EEF2K: variants seen among roughly 807,000 people sequenced by gnomAD.
EEF2K encodes the protein alternative protein EEF2K.
Under a neutral mutation model 93.8 loss-of-function variants are expected in EEF2K, and 70 were observed. The ratio of observed to expected loss-of-function variants is 0.75; its 90% CI spans 0.62 to 0.91. The LOEUF (loss-of-function observed/expected upper bound fraction) is 0.91, where lower values mean the gene tolerates loss of function less well. Among genes scored for constraint, EEF2K ranks in the 40% least tolerant of loss-of-function variants. The pLI is 0.00. For missense variants in EEF2K, 935 were observed against 972.9 expected (o/e 0.96, Z 0.52); for synonymous variants, 376 against 380.8 (o/e 0.99, Z 0.15).
Position 22,221,063 on chromosome 16 carries a change from AG to A in EEF2K, c.-76-4589del, listed in dbSNP as rs577804062. 2.4e-4 allele frequency among the ~76,000 whole-genome samples: 36 copies of A among 152,326 alleles called. 1 individual carries two copies. The South Asian group carries it at 7.5e-3, about 32-fold the overall frequency. On this transcript the variant is annotated intron_variant, in intron 1 of 17. Coordinates refer to ENST00000263026, the MANE Select transcript of EEF2K (RefSeq NM_013302.5). ...AGGCCTGTGACTGTGTCTTGCCCAG[AG>A]GATAAGAAACAAACTCAGTAGTTCA...
chr16:22,238,658 A>AT (rs59993274), intron 2 of EEF2K, among the ~76,000 whole-genome samples: 1 of 145,976 alleles, frequency 6.9e-6, no homozygotes, highest in Non-Finnish European at 1.5e-5. Flanking sequence ...TCAAAAAAAA[A>AT]GAAAAAAGGA....
At chr16:22,209,290 TGCTGGGATTACAGGCATGA>T (rs1653786364) in intron 1 of EEF2K, among the ~76,000 whole-genome samples, 1 of 152,142 alleles carries the variant, frequency 6.6e-6, no homozygotes, top group African/African-American at 2.4e-5. Flanking sequence ...CCTCCCAAAG[TGCTGGGATTACAGGCATGA>T]GCCACCATGC....
At chr16:22,242,844 C>T (rs940808727) in intron 2 of EEF2K, among the ~76,000 whole-genome samples, 1 of 152,062 alleles carries the variant, frequency 6.6e-6, no homozygotes, top group African/African-American at 2.4e-5. Flanking sequence ...GTAAAGGCGG[C>T]GTATCCTTTG....
rs2047728552 is a variant in EEF2K at position 22,284,118 on chromosome 16, A to G, written c.*122A>G. The G allele has an allele frequency of 2.3e-6, 2 of 878,322 alleles. No individual in the cohort carries two copies. The highest frequency in any genetic ancestry group is 5.5e-5 in the Admixed American group (2 of 36,460). 54.4% of individuals were successfully genotyped at this position (878,322 alleles called of 1,614,324 possible). A position where few individuals can be genotyped will look rare whatever the true frequency, so the allele number is the denominator to read the frequency against. ...CATTTTTAAGTGTGTTGTAAAATCAAATTTTATATTTCATTTTTTGACTCT... is the reference window on the plus strand; with the variant it reads ...CATTTTTAAGTGTGTTGTAAAATCAGATTTTATATTTCATTTTTTGACTCT... On this transcript the variant is annotated 3_prime_UTR_variant, in exon 18 of 18. Transcript: ENST00000263026.
intron 4 of EEF2K, among the ~76,000 whole-genome samples, chr16:22,249,395 A>G (rs542172457): frequency 6.6e-6 from 1 of 152,276 alleles, no homozygotes; most frequent in South Asian, 2.1e-4. Flanking sequence ...TGTAATATAC[A>G]ATATACACAG....
chr16:22,278,227 G>A (rs2047658411), intron 16 of EEF2K, among the ~76,000 whole-genome samples: 1 of 151,958 alleles, frequency 6.6e-6, no homozygotes, highest in South Asian at 2.1e-4. Context: ...AAAAGAGAGA[G>A]CAAAAGGGGG....
rs1199256451 is a variant in EEF2K, at chr16:22,283,909, A to G, written c.2091A>G (p.Ala697=). 1.3e-6 allele frequency: 2 copies of G among 1,599,102 alleles called. No homozygotes were observed. The highest frequency in any genetic ancestry group is 3.5e-5 in the Admixed American group (2 of 57,774). ...CAGGGGACTTGTATACCCAGGCAGC[A>G]GAGGCAGCGATGGAAGCCATGAAGG... is the stretch of plus-strand genomic sequence containing the variant. ...QRSGDLYTQA[A]EAAMEAMKGR... The change falls in exon 18 of 18, where the codon GCA becomes GCG. Residue 697 remains alanine (A), a synonymous_variant. Transcript: ENST00000263026.
At chr16:22,272,532 G>A (rs1197660517) in intron 15 of EEF2K, among the ~76,000 whole-genome samples, 1 of 152,218 alleles carries the variant, frequency 6.6e-6, no homozygotes, top group Non-Finnish European at 1.5e-5. Context: ...TGCTGAGCAG[G>A]ATGAGGAGAG....
chr16:22,274,757 A>G (rs1305846613), intron 16 of EEF2K, among the ~76,000 whole-genome samples: 1 of 151,762 alleles, frequency 6.6e-6, no homozygotes, highest in Non-Finnish European at 1.5e-5. Flanking sequence ...ACAGGCATGT[A>G]CCACCACACC....
At chr16:22,209,179 A>G (rs1464257089) in intron 1 of EEF2K, among the ~76,000 whole-genome samples, 3 of 152,120 alleles carry the variant, frequency 2.0e-5, no homozygotes, top group Admixed American at 1.3e-4. Context: ...CTACAGGCAC[A>G]TGCCACCGTG....
chr16:22,230,183 G>A (rs181012470), intron 2 of EEF2K, among the ~76,000 whole-genome samples: 3 of 152,156 alleles, frequency 2.0e-5, no homozygotes, highest in Non-Finnish European at 1.5e-5. Flanking sequence ...ACAGAATGCT[G>A]TGTTTACGTT....
chr16:22,211,511 G>A (rs1359534991), intron 1 of EEF2K, among the ~76,000 whole-genome samples: 1 of 152,184 alleles, frequency 6.6e-6, no homozygotes, highest in Non-Finnish European at 1.5e-5. Context: ...CCAGGCTGGA[G>A]TGCAGTGGCA....
At chr16:22,217,230 G>GATAGATAGAT (rs200590599) in intron 1 of EEF2K, among the ~76,000 whole-genome samples, 25 of 133,872 alleles carry the variant, frequency 1.9e-4, no homozygotes, top group South Asian at 1.2e-3. Flanking sequence ...TAGATAGATA[G>GATAGATAGAT]AGAGAGAGAG....
At chr16:22,215,913 A>G (rs2046953864) in intron 1 of EEF2K, among the ~76,000 whole-genome samples, 1 of 152,208 alleles carries the variant, frequency 6.6e-6, no homozygotes. Context: ...TAACAGAGGG[A>G]GACTCCATCT....
intron 10 of EEF2K, among the ~76,000 whole-genome samples, chr16:22,259,905 A>T (rs2047445821): frequency 6.6e-6 from 1 of 152,078 alleles, no homozygotes; most frequent in Non-Finnish European, 1.5e-5. Flanking sequence ...GGTGCATGCC[A>T]CCATACCCAG....
At position 22,257,756 on chromosome 16, in the gene EEF2K, A is replaced by G. The variant is rs1321292067; in HGVS notation, c.1015A>G (p.Asn339Asp). 1 of 1,613,784 alleles carries G rather than the reference A, an allele frequency of 6.2e-7. No individual in the cohort carries two copies. The highest frequency in any genetic ancestry group is 2.2e-5 in the East Asian group (1 of 44,868). ...CCGGGAGAGGGATGCAGTGAATCAG[A>G]ACACCAAGCTGCTGGTGGGTGCCCA... The part of the protein sequence containing the change: ...SPRERDAVNQ[N>D]TKLLQSAKTI... Residue 339 changes from asparagine to aspartate, a missense_variant, in exon 9 of 18, where the codon AAC becomes GAC. By Grantham distance (23) the Asn-to-Asp change is conservative (BLOSUM62 1). Coordinates refer to ENST00000263026, the MANE Select transcript of EEF2K (RefSeq NM_013302.5).
chr16:22,220,901 C>T (rs1315390951), intron 1 of EEF2K, among the ~76,000 whole-genome samples: 1 of 152,170 alleles, frequency 6.6e-6, no homozygotes, highest in Non-Finnish European at 1.5e-5. Flanking sequence ...TGTTGGTCAG[C>T]AGGGATTCTG....
rs568370563 is a variant in EEF2K, at chr16:22,255,858, C to T, written c.619-890C>T. 4.9e-4 allele frequency among the ~76,000 whole-genome samples: 74 copies of T among 151,814 alleles called. 1 individual carries two copies. The highest frequency in any genetic ancestry group is 9.4e-4 in the Non-Finnish European group (64 of 67,958). On this transcript the variant is annotated intron_variant, in intron 6 of 17. Coordinates refer to ENST00000263026, the MANE Select transcript of EEF2K (RefSeq NM_013302.5). ...CCAGAAGTATGAGGCTGTAATGAGC[C>T]ATGATTATGACACTGCACTCCAGCC...
At chr16:22,226,009 G>A in intron 2 of EEF2K, 34 bp downstream of exon 2, 1 of 1,608,112 alleles carries the variant, frequency 6.2e-7, no homozygotes, top group Non-Finnish European at 8.5e-7. Flanking sequence ...TTCCCCACCT[G>A]GCTTAGCTGC....
Sources: allele counts gnomAD v4.1 joint callset (sites outside exome capture counted in the v4.1 genomes callset), GRCh38; gene constraint gnomAD v4.1.1; transcripts MANE v1.5; gene names NCBI Gene and HGNC (gene_info 2026-07-23, HGNC 2026-07-21).